RAB5C: variants seen among roughly 807,000 people sequenced by gnomAD.
RAB5C encodes RAB5C, member RAS oncogene family, also known as ras-related protein Rab-5C.
In RAB5C, 4 loss-of-function variants were observed where a neutral mutation model predicts 25.2. That is an observed-to-expected ratio of 0.16 (90% CI 0.08 to 0.36). The LOEUF (loss-of-function observed/expected upper bound fraction) is 0.36. Ranked by LOEUF, RAB5C falls within the 10% of genes least tolerant of loss-of-function variation. The probability of loss-of-function intolerance (pLI) is 1.00; values close to 1 mark genes in which losing one functional copy is unlikely to be tolerated. For synonymous variants in RAB5C, 100 were observed against 106.4 expected (o/e 0.94, Z 0.37); for missense variants, 199 against 283.8 (o/e 0.70, Z 2.15).
At position 42,131,435 on chromosome 17, in the gene RAB5C, A is replaced by AAC. The variant is rs146594244; in HGVS notation, c.-88-847_-88-846dup. On this transcript the variant is annotated intron_variant, in intron 1 of 5. Transcript: ENST00000346213. ...ACACACCGGAACAAATACACACTGA[A>AAC]ACACACACACACACACACAAAAACA... Among the ~76,000 whole-genome samples the AAC allele has an allele frequency of 4.1e-3, 604 of 148,592 alleles. 3 individuals are homozygous for AAC. The highest frequency in any genetic ancestry group is 0.01 in the African/African-American group (396 of 39,406).
chr17:42,138,744 C>T (rs2054562527), intron 1 of RAB5C, among the ~76,000 whole-genome samples: 1 of 152,206 alleles, frequency 6.6e-6, no homozygotes, highest in Admixed American at 6.5e-5. Flanking sequence ...GCAAAAGGGG[C>T]CAGTGTGCAG....
At chr17:42,151,391 C>T (rs899635643) in intron 1 of RAB5C, among the ~76,000 whole-genome samples, 16 of 151,540 alleles carry the variant, frequency 1.1e-4, no homozygotes, top group Non-Finnish European at 2.2e-4. Context: ...GAGCCAAGAT[C>T]GCACCACTGC....
intron 1 of RAB5C, among the ~76,000 whole-genome samples, chr17:42,142,778 T>C (rs2079610726): frequency 6.6e-6 from 1 of 152,196 alleles, no homozygotes; most frequent in Non-Finnish European, 1.5e-5. Flanking sequence ...AGCTATTCAA[T>C]GATTCAGGAT....
At chr17:42,141,453 G>C (rs923831341) in intron 1 of RAB5C, among the ~76,000 whole-genome samples, 1 of 152,216 alleles carries the variant, frequency 6.6e-6, no homozygotes, top group Non-Finnish European at 1.5e-5. Flanking sequence ...CAGATACGGT[G>C]AACTGTGCAT....
intron 1 of RAB5C, among the ~76,000 whole-genome samples, chr17:42,134,615 G>C (rs371690160): frequency 6.6e-6 from 1 of 152,116 alleles, no homozygotes; most frequent in African/African-American, 2.4e-5. Context: ...TACAATGGCC[G>C]TGCTGGAGCT....
chr17:42,143,620 G>C (rs895746372), intron 1 of RAB5C, among the ~76,000 whole-genome samples: 3 of 147,966 alleles, frequency 2.0e-5, no homozygotes, highest in Non-Finnish European at 4.4e-5. Context: ...CTGGGGGACA[G>C]AGTGAGTCTG....
chr17:42,128,407 C>G, intron 3 of RAB5C, 24 bp from the exon 4 acceptor site: 1 of 1,604,546 alleles, frequency 6.2e-7, no homozygotes, highest in South Asian at 1.1e-5. Context: ...GACAGAATGT[C>G]GAAGGGACAG....
At chr17:42,142,943 G>C (rs2079611475) in intron 1 of RAB5C, among the ~76,000 whole-genome samples, 1 of 152,188 alleles carries the variant, frequency 6.6e-6, no homozygotes, top group Non-Finnish European at 1.5e-5. Flanking sequence ...TTTAGCTGGA[G>C]AACTTAGCAC....
At position 42,150,049 on chromosome 17, in the gene RAB5C, T is replaced by G. The variant is rs2079660376; in HGVS notation, c.-89+4844A>C. 2.0e-5 allele frequency among the ~76,000 whole-genome samples: 3 copies of G among 151,972 alleles called. No individual in the cohort carries two copies. The South Asian group carries it at 6.2e-4, about 32-fold the overall frequency. On this transcript the variant is annotated intron_variant, in intron 1 of 5. Coordinates refer to ENST00000346213, the MANE Select transcript of RAB5C (RefSeq NM_004583.4). Reference sequence around the variant, plus strand: ...ACAGGCATGTGCCACCACGCCTGACTAATTTTGGTATTTTTAGTAGAGATG... The same window carrying G: ...ACAGGCATGTGCCACCACGCCTGACGAATTTTGGTATTTTTAGTAGAGATG...
intron 1 of RAB5C, among the ~76,000 whole-genome samples, chr17:42,153,024 A>C (rs887496763): frequency 3.3e-5 from 5 of 152,228 alleles, no homozygotes; most frequent in Admixed American, 3.3e-4. Flanking sequence ...TGGTTGAAGA[A>C]GTCTCCAATG....
intron 1 of RAB5C, among the ~76,000 whole-genome samples, chr17:42,148,693 G>A (rs1306550348): frequency 3.9e-5 from 6 of 152,256 alleles, no homozygotes; most frequent in African/African-American, 1.4e-4. Context: ...GCTTCACAGA[G>A]GAAGTGGCAT....
intron 1 of RAB5C, among the ~76,000 whole-genome samples, chr17:42,153,524 G>A (rs73311686): frequency 0.063 from 9,622 of 152,156 alleles, 316 homozygotes; most frequent in African/African-American, 0.087. Flanking sequence ...ACACCTCAAG[G>A]CCAAAAAACA....
At chr17:42,128,833 G>T in intron 2 of RAB5C, 33 bp from the exon 3 acceptor site, 6 of 1,430,278 alleles carry the variant, frequency 4.2e-6, no homozygotes, top group Non-Finnish European at 5.5e-6. Flanking sequence ...ATGGGCAAGA[G>T]CGAGTTGGAA....
intron 1 of RAB5C, among the ~76,000 whole-genome samples, chr17:42,134,968 T>TTTA (rs111710717): frequency 6.7e-6 from 1 of 150,286 alleles, no homozygotes; most frequent in African/African-American, 2.4e-5. Flanking sequence ...TCAAATTCTT[T>TTTA]TTTTTTCTTA....
At position 42,128,321 on chromosome 17, in the gene RAB5C, G is replaced by A. The variant is rs1013430724; in HGVS notation, c.381C>T (p.Ile127=). ...KELQRQASPN[I]VIALAGNKAD... ...CCTTGTTACCCGCGAGTGCAATGAC[G>A]ATGTTGGGGCTGGCCTGCCTCTGTA... The change falls in exon 4 of 6, where the codon ATC becomes ATT. Residue 127 remains isoleucine (I), a synonymous_variant. Coordinates refer to ENST00000346213, the MANE Select transcript of RAB5C (RefSeq NM_004583.4). 3 of 1,614,002 alleles carry A rather than the reference G, an allele frequency of 1.9e-6. No individual in the cohort carries two copies. The highest frequency in any genetic ancestry group is 2.5e-6 in the Non-Finnish European group (3 of 1,180,010).
chr17:42,131,788 T>C (rs1237003503), intron 1 of RAB5C: 3 of 584,276 alleles, frequency 5.1e-6, no homozygotes, highest in South Asian at 4.0e-5. Context: ...AGTTTTGGAA[T>C]TGCAGACACA....
chr17:42,138,370 C>A (rs113105271), intron 1 of RAB5C, among the ~76,000 whole-genome samples: 3 of 152,134 alleles, frequency 2.0e-5, no homozygotes, highest in Non-Finnish European at 4.4e-5. Context: ...GAGATCTAGC[C>A]GAATCCCAAT....
At chr17:42,135,516 C>T (rs1052876636) in intron 1 of RAB5C, among the ~76,000 whole-genome samples, 3 of 152,046 alleles carry the variant, frequency 2.0e-5, no homozygotes, top group Admixed American at 1.3e-4. Context: ...AGCAGTTGAT[C>T]GAAGCACAAG....
At chr17:42,153,107 GT>G (rs2079682533) in intron 1 of RAB5C, among the ~76,000 whole-genome samples, 1 of 152,148 alleles carries the variant, frequency 6.6e-6, no homozygotes, top group Admixed American at 6.5e-5. Context: ...GGCTTCTTCT[GT>G]TGTCCGATAA....
Sources: gnomAD v4.1 joint callset for allele counts (sites outside exome capture counted in the v4.1 genomes callset) on GRCh38, gnomAD v4.1.1 for gene constraint, MANE v1.5 for transcripts, NCBI Gene and HGNC (gene_info 2026-07-23, HGNC 2026-07-21) for gene names.